The following FLNC variants were observed in gnomAD, a reference collection of about 807,000 sequenced individuals.
FLNC encodes filamin C, also known as filamin-C.
In FLNC, 91 loss-of-function variants were observed where a neutral mutation model predicts 254.3. The observed-to-expected ratio is 0.36, with a 90% CI of 0.30 to 0.43. The LOEUF (loss-of-function observed/expected upper bound fraction) is 0.43, where lower values mean the gene tolerates loss of function less well. Ranked by LOEUF, FLNC falls within the 20% of genes least tolerant of loss-of-function variation. FLNC has a pLI of 1.00. For synonymous variants in FLNC, 1,430 were observed against 1,577.2 expected (o/e 0.91, Z 2.21); for missense variants, 2,853 against 3,802.6 (o/e 0.75, Z 6.57).
At chr7:128,852,296 T>C (rs1193817394) in intron 35 of FLNC, among the ~76,000 whole-genome samples, 1 of 152,196 alleles carries the variant, frequency 6.6e-6, no homozygotes, top group African/African-American at 2.4e-5. Context: ...GTCTAGTGTT[T>C]TGTTATCACA....
In FLNC at chr7:128,842,640, A is replaced by G. The variant is rs1585157630; in HGVS notation, c.2331A>G (p.Thr777=). ...TGTACGGCCCCGGAGTGGAGAAGAC[A>G]GGCCTCAAGGCCAATGAGCCCACCT... ...VKVYGPGVEK[T]GLKANEPTYF... Residue 777 remains threonine (T), a synonymous_variant, in exon 15 of 48, where the codon ACA becomes ACG. Transcript: ENST00000325888. This position sits in a 1 kb window ranked among gnomAD's most constrained non-coding sequence, Gnocchi z 5.4. The G allele has an allele frequency of 1.3e-6, 2 of 1,551,316 alleles. No individual in the cohort carries two copies. The highest frequency in any genetic ancestry group is 1.7e-6 in the Non-Finnish European group (2 of 1,147,438).
rs1208666392 is a variant in FLNC, at chr7:128,844,960, G to A, written c.3495G>A (p.Leu1165=). 4 of 1,613,750 alleles carry A rather than the reference G, an allele frequency of 2.5e-6. No individual in the cohort carries two copies. Among genetic ancestry groups the A allele is most frequent in the Non-Finnish European group, 2.5e-6 (3 of 1,180,032 alleles). The part of the protein sequence containing the change: ...PSKVRASGPG[L]ERGKVGEAAT... ...AGGTGCGGGCCAGTGGACCGGGCCT[G>A]GAGCGCGGCAAGGTCGGTGAGGCAG... Residue 1165 remains leucine (L), a synonymous_variant, in exon 21 of 48, where the codon CTG becomes CTA. Coordinates refer to ENST00000325888, the MANE Select transcript of FLNC (RefSeq NM_001458.5).
chr7:128,843,395 G>T lies in FLNC; in HGVS notation c.2642-13G>T. 2 of 1,613,996 alleles carry T rather than the reference G, an allele frequency of 1.2e-6. No homozygotes were observed. The highest frequency in any genetic ancestry group is 8.5e-7 in the Non-Finnish European group (1 of 1,179,982). ...CTGCCAGGCCCTCACCACATCTCTG[G>T]GTGGGTCCTCAGGTGTGGAAGTCGG... On this transcript the variant is annotated splice_polypyrimidine_tract_variant and intron_variant, in intron 17 of 47. Transcript: ENST00000325888.
At position 128,856,683 on chromosome 7, in the gene FLNC, C is replaced by T. The variant is rs149589336; in HGVS notation, c.7384+33C>T. 3.9e-4 allele frequency: 635 copies of T among 1,613,766 alleles called. 8 individuals are homozygous for T. The East Asian group carries it at 0.013, about 33-fold the overall frequency. On this transcript the variant is annotated intron_variant, in intron 44 of 47. Transcript: ENST00000325888. The surrounding 1 kb of genome is among the most constrained non-coding windows in gnomAD (Gnocchi z 5.9). ...GGCCCTGCCCCTGCCAACTCCCTTC[C>T]GGGCTGGGGCCTTCTGGGGAGGGGA... is the stretch of plus-strand genomic sequence containing the variant.
chr7:128,831,080 TGA>T, intron 1 of FLNC, 91 bp downstream of exon 1: 1 of 1,266,636 alleles, frequency 7.9e-7, no homozygotes, highest in Non-Finnish European at 1.1e-6. Flanking sequence ...CGCGGGGAGC[TGA>T]GAGACAGGGC....
chr7:128,853,275 A>C, intron 37 of FLNC, 194 bp from the exon 38 acceptor site: 1 of 739,292 alleles, frequency 1.4e-6, no homozygotes, highest in Non-Finnish European at 2.3e-6. Context: ...CTGGAATCCA[A>C]GAGGCTTACC....
At chr7:128,837,051 T>A in intron 2 of FLNC, 109 bp from the exon 3 acceptor site, 1 of 779,858 alleles carries the variant, frequency 1.3e-6, no homozygotes. Flanking sequence ...CTAGAGCTGG[T>A]GGGAAGGGGT....
At position 128,843,217 on chromosome 7, in the gene FLNC, C is replaced by T. The variant is rs1808412927; in HGVS notation, c.2551-12C>T. The T allele has an allele frequency of 6.3e-7, 1 of 1,581,696 alleles. No individual in the cohort carries two copies. The highest frequency in any genetic ancestry group is 8.6e-7 in the Non-Finnish European group (1 of 1,163,110). ...CCCTCGAGAGCCCTGACTGAGCCTC[C>T]TCCACATCCAGGAGATCCCCGCCAG... On this transcript the variant is annotated splice_polypyrimidine_tract_variant and intron_variant, in intron 16 of 47. Coordinates refer to ENST00000325888, the MANE Select transcript of FLNC (RefSeq NM_001458.5).
At position 128,856,429 on chromosome 7, in the gene FLNC, G is replaced by T; in HGVS notation, c.7252-89G>T. 2 of 1,550,960 alleles carry T rather than the reference G, an allele frequency of 1.3e-6. No individual in the cohort carries two copies. Among genetic ancestry groups the T allele is most frequent in the Middle Eastern group, 2.1e-4 (1 of 4,872 alleles). ...GGGGTGGCAGCAGCCTTTGGGCTGG[G>T]CTTACAGTGAGCACCGTGTGGGGCT... On this transcript the variant is annotated intron_variant, in intron 43 of 47. Coordinates refer to ENST00000325888, the MANE Select transcript of FLNC (RefSeq NM_001458.5). The surrounding 1 kb of genome is among the most constrained non-coding windows in gnomAD (Gnocchi z 5.9).
intron 21 of FLNC, among the ~76,000 whole-genome samples, 161 bp from the exon 22 acceptor site, chr7:128,845,829 G>A (rs1480571397): frequency 6.7e-6 from 1 of 149,324 alleles, no homozygotes; most frequent in African/African-American, 2.5e-5. Context: ...GAGCAGCCTG[G>A]GAGTTGGGGA....
In FLNC at chr7:128,841,418, T is replaced by C; in HGVS notation, c.2008-36T>C. On this transcript the variant is annotated intron_variant, in intron 12 of 47. Transcript: ENST00000325888. The surrounding 1 kb of genome is among the most constrained non-coding windows in gnomAD (Gnocchi z 4.3). Reference sequence around the variant, plus strand: ...CGGGGGTGGGGCAAGCTGGTTCTCCTCCCCTCCCCAACTCAGCCTTCTTCC... The same window carrying C: ...CGGGGGTGGGGCAAGCTGGTTCTCCCCCCCTCCCCAACTCAGCCTTCTTCC... The C allele has an allele frequency of 6.2e-7, 1 of 1,611,812 alleles. No homozygotes were observed. The highest frequency in any genetic ancestry group is 2.2e-5 in the East Asian group (1 of 44,856).
At chr7:128,831,895 C>T (rs1274331821) in intron 1 of FLNC, among the ~76,000 whole-genome samples, 1 of 152,122 alleles carries the variant, frequency 6.6e-6, no homozygotes, top group Non-Finnish European at 1.5e-5. Flanking sequence ...CCTCAGAGTC[C>T]TGCAGTCATC....
intron 6 of FLNC, 75 bp from the exon 7 acceptor site, chr7:128,838,192 G>A: frequency 6.5e-7 from 1 of 1,540,246 alleles, no homozygotes. Context: ...CACCCTCCTT[G>A]GCCTGGCTGT....
At chr7:128,834,873 C>T (rs1808036266) in intron 1 of FLNC, among the ~76,000 whole-genome samples, 1 of 152,102 alleles carries the variant, frequency 6.6e-6, no homozygotes, top group Non-Finnish European at 1.5e-5. Flanking sequence ...CTTCGTTATT[C>T]TCCATCTGTG....
At position 128,848,009 on chromosome 7, in the gene FLNC, A is replaced by C. The variant is rs1280819940; in HGVS notation, c.4521A>C (p.Pro1507=). 1.9e-6 allele frequency: 3 copies of C among 1,608,956 alleles called. No homozygotes were observed. Among genetic ancestry groups the C allele is most frequent in the Non-Finnish European group, 1.7e-6 (2 of 1,177,568 alleles). The change falls in exon 26 of 48, where the codon CCA becomes CCC. Residue 1507 remains proline (P), a synonymous_variant. Transcript: ENST00000325888. ...GCACCCACACTGTCCACTACACCCCAGCCACTGACGGGCCCTACACGGTAG... is the reference window on the plus strand; with the variant it reads ...GCACCCACACTGTCCACTACACCCCCGCCACTGACGGGCCCTACACGGTAG... ...GDGTHTVHYT[P]ATDGPYTVAV...
intron 20 of FLNC, 90 bp from the exon 21 acceptor site, chr7:128,844,566 CCA>C (rs1447692105): frequency 1.7e-6 from 2 of 1,207,540 alleles, no homozygotes; most frequent in Admixed American, 3.4e-5. Flanking sequence ...ACAGTAGCAG[CCA>C]CAGTTGGAGG....
rs768894698 is a variant in FLNC at position 128,843,502 on chromosome 7, C to T, written c.2736C>T (p.Gly912=). ...TGCAGTTTGCAGGGACAGCCAAGGG[C>T]GAGGTTGTGCGGGACTTTGAGATCA... The part of the protein sequence containing the change: ...LDVQFAGTAK[G]EVVRDFEIID... The change falls in exon 18 of 48, where the codon GGC becomes GGT. Residue 912 remains glycine, a synonymous_variant. Coordinates refer to ENST00000325888, the MANE Select transcript of FLNC (RefSeq NM_001458.5). The T allele has an allele frequency of 5.6e-6, 9 of 1,613,866 alleles. No homozygotes were observed. The highest frequency in any genetic ancestry group is 2.7e-5 in the African/African-American group (2 of 74,916).
rs1019521145 is a variant in FLNC at position 128,836,587 on chromosome 7, T to C, written c.602-573T>C. On this transcript the variant is annotated intron_variant, in intron 2 of 47. Transcript: ENST00000325888. The surrounding 1 kb of genome is among the most constrained non-coding windows in gnomAD (Gnocchi z 6.0). ...CTTCCTGTTAGGAAGGCAGGGCTCC[T>C]GAGGGCTGCAGAGGAGAAGTCATTC... 1.3e-5 allele frequency among the ~76,000 whole-genome samples: 2 copies of C among 152,226 alleles called. No individual in the cohort carries two copies. Among genetic ancestry groups the C allele is most frequent in the African/African-American group, 4.8e-5 (2 of 41,458 alleles).
At position 128,844,681 on chromosome 7, in the gene FLNC, C is replaced by T. The variant is rs1808478968; in HGVS notation, c.3216C>T (p.Leu1072=). The change falls in exon 21 of 48, where the codon CTC becomes CTT. Residue 1072 remains leucine, a synonymous_variant. Transcript: ENST00000325888. ...AGGTCTGTGCTTATGGCCCGGGTCT[C>T]AAGGGTGGACTGGTAGGCACCCCCG... ...PSKVCAYGPG[L]KGGLVGTPAP... 1 of 1,613,076 alleles carries T rather than the reference C, an allele frequency of 6.2e-7. No homozygotes were observed. The highest frequency in any genetic ancestry group is 8.5e-7 in the Non-Finnish European group (1 of 1,180,028).
Sources: gnomAD v4.1 joint callset for allele counts (sites outside exome capture counted in the v4.1 genomes callset) on GRCh38, gnomAD v4.1.1 for gene constraint, Gnocchi (gnomAD v3.1) non-coding constraint, MANE v1.5 for transcripts, NCBI Gene and HGNC (gene_info 2026-07-23, HGNC 2026-07-21) for gene names.